RSF1: variants seen among roughly 807,000 people sequenced by gnomAD.
The protein encoded by RSF1 is remodeling and spacing factor 1, also known as HBV pX-associated protein 8.
In RSF1, 13 loss-of-function variants were observed where a neutral mutation model predicts 145.2. The ratio of observed to expected loss-of-function variants is 0.09; its 90% CI spans 0.06 to 0.14. The LOEUF is 0.14. RSF1 is among the 10% of genes least tolerant of loss of function. The pLI, the probability that RSF1 is intolerant of heterozygous loss-of-function variation, is 1.00. For missense variants in RSF1, 1,517 were observed against 1,718.2 expected, an observed-to-expected ratio of 0.88 and a Z score of 2.07; for synonymous variants, 577 against 592.6, an observed-to-expected ratio of 0.97 and a Z score of 0.38.
chr11:77,689,618 TTCTGTACTATATTATTGG>T (rs1960097674), intron 9 of RSF1, among the ~76,000 whole-genome samples: 1 of 152,218 alleles, frequency 6.6e-6, no homozygotes, highest in African/African-American at 2.4e-5. Context: ...ATATCATTGG[TTCTGTACTATATTATTGG>T]TCTGTACTAT....
the RSF1 span, among the ~76,000 whole-genome samples, chr11:77,866,137 G>A: frequency 6.6e-6 from 1 of 152,208 alleles, no homozygotes; most frequent in South Asian, 2.1e-4. Flanking sequence ...CTTTGGAAGA[G>A]TAGTTTAGGA....
At chr11:77,744,309 G>A (rs572353380) in intron 3 of RSF1, among the ~76,000 whole-genome samples, 3 of 152,168 alleles carry the variant, frequency 2.0e-5, no homozygotes, top group Non-Finnish European at 2.9e-5. Flanking sequence ...GATTACAGGC[G>A]TGAGCCACCC....
chr11:77,867,503 C>G, the RSF1 span, among the ~76,000 whole-genome samples: 1 of 152,208 alleles, frequency 6.6e-6, no homozygotes, highest in African/African-American at 2.4e-5. Flanking sequence ...TTTGGTTCAT[C>G]TCAGTATTGC....
intron 1 of RSF1, among the ~76,000 whole-genome samples, chr11:77,790,346 G>A (rs528479279): frequency 6.6e-6 from 1 of 152,218 alleles, no homozygotes; most frequent in South Asian, 2.1e-4. Flanking sequence ...AGGACAGCAT[G>A]AGAAAGACCT....
At chr11:77,802,072 G>C (rs947147215) in intron 1 of RSF1, among the ~76,000 whole-genome samples, 8 of 152,246 alleles carry the variant, frequency 5.3e-5, no homozygotes, top group Non-Finnish European at 1.2e-4. Flanking sequence ...GCATTCATGT[G>C]CTGGGGGACA....
At chr11:77,871,415 G>A in the RSF1 span, among the ~76,000 whole-genome samples, 1 of 152,202 alleles carries the variant, frequency 6.6e-6, no homozygotes, top group East Asian at 1.9e-4. Context: ...GTGACGGTGC[G>A]ATAAACAAGA....
intron 9 of RSF1, among the ~76,000 whole-genome samples, chr11:77,689,243 C>T (rs914192313): frequency 6.6e-6 from 1 of 152,232 alleles, no homozygotes; most frequent in African/African-American, 2.4e-5. Flanking sequence ...ACAGTCCCAA[C>T]TCTATTTCAT....
intron 1 of RSF1, among the ~76,000 whole-genome samples, chr11:77,789,586 C>T (rs61900165): frequency 0.012 from 1,797 of 152,288 alleles, 16 homozygotes; most frequent in South Asian, 0.024. Context: ...GTGAGCAGAG[C>T]GTGTGTTCCC....
chr11:77,712,263 T>A (rs1385474317), intron 5 of RSF1, among the ~76,000 whole-genome samples: 1 of 152,202 alleles, frequency 6.6e-6, no homozygotes, highest in African/African-American at 2.4e-5. Flanking sequence ...GTTTTATAAA[T>A]GGGAGTTCCC....
At chr11:77,810,495 C>G (rs543885825) in intron 1 of RSF1, among the ~76,000 whole-genome samples, 1 of 152,260 alleles carries the variant, frequency 6.6e-6, no homozygotes, top group African/African-American at 2.4e-5. Context: ...ACTACTGTTC[C>G]ACTAAGTTTC....
chr11:77,776,121 A>C (rs905860912), intron 1 of RSF1, among the ~76,000 whole-genome samples: 2 of 152,040 alleles, frequency 1.3e-5, no homozygotes, highest in African/African-American at 4.8e-5. Flanking sequence ...TTGCTGAGGG[A>C]GGAGGACTGC....
intron 13 of RSF1, among the ~76,000 whole-genome samples, 157 bp downstream of exon 13, chr11:77,676,635 T>A (rs1959708823): frequency 6.6e-6 from 1 of 152,220 alleles, no homozygotes; most frequent in South Asian, 2.1e-4. Flanking sequence ...CCAAAATTAG[T>A]ATTCTTGAAT....
At chr11:77,750,119 A>C (rs1026906452) in intron 2 of RSF1, among the ~76,000 whole-genome samples, 1 of 152,176 alleles carries the variant, frequency 6.6e-6, no homozygotes, top group Non-Finnish European at 1.5e-5. Flanking sequence ...AAAATCCACT[A>C]ATTAGCTATG....
At chr11:77,839,941 C>T in the RSF1 span, among the ~76,000 whole-genome samples, 6 of 152,000 alleles carry the variant, frequency 3.9e-5, no homozygotes, top group South Asian at 2.1e-4. Context: ...ATGTAATGAA[C>T]GTGCATGTCT....
intron 2 of RSF1, among the ~76,000 whole-genome samples, chr11:77,760,781 G>T (rs17135850): frequency 0.036 from 5,448 of 152,156 alleles, 292 homozygotes; most frequent in African/African-American, 0.12. Flanking sequence ...GCCATCTATT[G>T]CCAAATTTAT....
In RSF1 at chr11:77,662,705, GCA is replaced by G. The variant is rs1209564991; in HGVS notation, c.*4210_*4211del. ...TGCCACTTCCAAGGTAGGTTTACAG[GCA>G]CACACTTTGGGAAAGGTAGATGATA... On this transcript the variant is annotated 3_prime_UTR_variant, in exon 16 of 16. Coordinates refer to ENST00000308488, the MANE Select transcript of RSF1 (RefSeq NM_016578.4). The G allele has an allele frequency of 3.3e-5, 5 of 152,132 alleles. No individual in the cohort carries two copies. Among genetic ancestry groups the G allele is most frequent in the Admixed American group, 3.3e-4 (5 of 15,264 alleles). The allele number at this position is 152,132 out of a possible 1,614,324, so 9.4% of individuals were successfully genotyped here.
chr11:77,794,869 A>G (rs1431211530), intron 1 of RSF1, among the ~76,000 whole-genome samples: 1 of 152,230 alleles, frequency 6.6e-6, no homozygotes, highest in Non-Finnish European at 1.5e-5. Flanking sequence ...GTAAGGCAAG[A>G]GAAAGAAAGG....
intron 13 of RSF1, 35 bp downstream of exon 13, chr11:77,676,755 GTA>G: frequency 1.3e-6 from 2 of 1,582,054 alleles, no homozygotes; most frequent in Non-Finnish European, 1.7e-6. Context: ...GTTCCTGCTG[GTA>G]TCTAGGGATC....
At chr11:77,845,577 C>T in the RSF1 span, among the ~76,000 whole-genome samples, 3 of 152,106 alleles carry the variant, frequency 2.0e-5, no homozygotes, top group South Asian at 2.1e-4. Context: ...ATTACAGGTG[C>T]ACCCCACCAT....
Sources: allele counts gnomAD v4.1 joint callset (sites outside exome capture counted in the v4.1 genomes callset), GRCh38; gene constraint gnomAD v4.1.1; transcripts MANE v1.5; gene names NCBI Gene and HGNC (gene_info 2026-07-23, HGNC 2026-07-21).